The following RELL1 variants were observed in gnomAD, a reference collection of about 807,000 sequenced individuals.
RELL1 encodes the protein RELT-like protein 1.
A neutral mutation model predicts 23.0 loss-of-function variants in RELL1; 10 were observed. That is an observed-to-expected ratio of 0.43 (90% CI 0.27 to 0.74). The LOEUF (loss-of-function observed/expected upper bound fraction) is 0.74. RELL1 is among the 30% of genes least tolerant of loss of function. The pLI is 0.19. For synonymous variants in RELL1, 146 were observed against 146.8 expected (o/e 0.99, Z 0.04); for missense variants, 315 against 364.4 (o/e 0.86, Z 1.10).
At chr4:37,675,030 C>T (rs529650409) in intron 1 of RELL1, among the ~76,000 whole-genome samples, 2 of 152,258 alleles carry the variant, frequency 1.3e-5, no homozygotes, top group Non-Finnish European at 2.9e-5. Flanking sequence ...TTGTATCTCC[C>T]TCATGCCAAA....
In RELL1 at chr4:37,637,289, A is replaced by G. The variant is rs527408251; in HGVS notation, c.443+1158T>C. On this transcript the variant is annotated intron_variant, in intron 4 of 6. Transcript: ENST00000454158. ...ATTCTGAGTTACCTTTCTAAAACAC[A>G]CATCTAACGTAGCCAGTTTGACAAA... Among the ~76,000 whole-genome samples, 5 of 152,304 alleles carry G rather than the reference A, an allele frequency of 3.3e-5. No individual in the cohort carries two copies. In the South Asian group the frequency reaches 6.2e-4, roughly 19 times the overall value.
intron 6 of RELL1, among the ~76,000 whole-genome samples, chr4:37,616,244 A>T (rs1301156957): frequency 6.6e-6 from 1 of 152,216 alleles, no homozygotes; most frequent in Non-Finnish European, 1.5e-5. Context: ...CATAGGAGGA[A>T]ACTGAGGCTT....
intron 1 of RELL1, among the ~76,000 whole-genome samples, chr4:37,669,736 C>T (rs1199657115): frequency 6.6e-6 from 1 of 152,164 alleles, no homozygotes; most frequent in Non-Finnish European, 1.5e-5. Context: ...ACCTTACCCC[C>T]AACCCAACCC....
intron 6 of RELL1, among the ~76,000 whole-genome samples, chr4:37,599,229 A>C (rs1352733325): frequency 6.6e-6 from 1 of 152,224 alleles, no homozygotes; most frequent in Non-Finnish European, 1.5e-5. Flanking sequence ...AACGTGCCGC[A>C]AGTCAATAGC....
downstream of RELL1, chr4:37,590,234 G>A (rs377657554): frequency 3.1e-6 from 5 of 1,614,236 alleles, no homozygotes; most frequent in Non-Finnish European, 4.2e-6. Context: ...CAGAGGCAGG[G>A]CTCAAAGAAG....
intron 6 of RELL1, among the ~76,000 whole-genome samples, chr4:37,597,815 C>A (rs1016374463): frequency 6.6e-5 from 10 of 151,934 alleles, no homozygotes; most frequent in Admixed American, 5.3e-4. Flanking sequence ...CTTTGGGAGG[C>A]CGAGGCAGGC....
At chr4:37,677,809 TAAA>T (rs1173422418) in intron 1 of RELL1, among the ~76,000 whole-genome samples, 4 of 151,790 alleles carry the variant, frequency 2.6e-5, no homozygotes, top group Non-Finnish European at 5.9e-5. Flanking sequence ...AGTCTCTACT[TAAA>T]AATACAAAAA....
chr4:37,651,346 A>G (rs1720932804), intron 1 of RELL1, among the ~76,000 whole-genome samples: 1 of 152,244 alleles, frequency 6.6e-6, no homozygotes, highest in Non-Finnish European at 1.5e-5. Context: ...GGAGTCAGGT[A>G]GATGAGGACC....
exon 7 of RELL1, chr4:37,590,833 C>T (rs146200909): frequency 1.2e-6 from 2 of 1,614,054 alleles, no homozygotes; most frequent in Middle Eastern, 3.3e-4. Context: ...TGAGAAGGGT[C>T]CTGTTCATGC....
intron 1 of RELL1, among the ~76,000 whole-genome samples, chr4:37,675,730 T>C (rs1722006845): frequency 6.6e-6 from 1 of 152,210 alleles, no homozygotes; most frequent in South Asian, 2.1e-4. Context: ...GCTTGAAGGA[T>C]GGTCAGAGGA....
intron 6 of RELL1, among the ~76,000 whole-genome samples, chr4:37,618,027 C>T (rs900987178): frequency 6.6e-6 from 1 of 152,160 alleles, no homozygotes; most frequent in Admixed American, 6.5e-5. Flanking sequence ...AGGCACTGCC[C>T]AAGTCCTGAA....
chr4:37,659,371 C>T (rs1382104042), intron 1 of RELL1, among the ~76,000 whole-genome samples: 1 of 152,136 alleles, frequency 6.6e-6, no homozygotes, highest in Non-Finnish European at 1.5e-5. Context: ...TGGAAGTCAA[C>T]CTAAAAAGTC....
intron 1 of RELL1, among the ~76,000 whole-genome samples, chr4:37,663,670 C>G (rs996000485): frequency 6.6e-6 from 1 of 152,200 alleles, no homozygotes; most frequent in African/African-American, 2.4e-5. Context: ...GGTTCAATAA[C>G]AAGCCTCGGT....
chr4:37,596,351 T>C (rs1023478784), intron 6 of RELL1, among the ~76,000 whole-genome samples: 2 of 152,174 alleles, frequency 1.3e-5, no homozygotes, highest in African/African-American at 4.8e-5. Context: ...AATTCAGACT[T>C]AGGAGGTCTT....
chr4:37,650,678 T>A (rs1048083101), intron 1 of RELL1, among the ~76,000 whole-genome samples: 1 of 151,910 alleles, frequency 6.6e-6, no homozygotes. Flanking sequence ...ATCACATGAA[T>A]ATATATATGA....
At chr4:37,617,823 A>G (rs1159856239) in intron 6 of RELL1, among the ~76,000 whole-genome samples, 1 of 152,232 alleles carries the variant, frequency 6.6e-6, no homozygotes, top group Non-Finnish European at 1.5e-5. Flanking sequence ...CAATTTTAAA[A>G]TTACAGAATC....
chr4:37,669,457 G>T (rs1338562332), intron 1 of RELL1, among the ~76,000 whole-genome samples: 3 of 151,490 alleles, frequency 2.0e-5, no homozygotes, highest in African/African-American at 7.3e-5. Flanking sequence ...GGGAGGTGAG[G>T]GGCGCCTCTG....
downstream of RELL1, among the ~76,000 whole-genome samples, chr4:37,605,970 G>A (rs1335215623): frequency 6.8e-6 from 1 of 147,286 alleles, no homozygotes; most frequent in African/African-American, 2.5e-5. Flanking sequence ...AGAGAGGGAG[G>A]GAGGAAGGAA....
chr4:37,589,767 G>C (rs552119969), downstream of RELL1, among the ~76,000 whole-genome samples: 3 of 152,220 alleles, frequency 2.0e-5, no homozygotes, highest in Admixed American at 6.5e-5. Flanking sequence ...GAGTAGCTGG[G>C]ATTACAGGTG....
Sources: gnomAD v4.1 joint callset for allele counts (sites outside exome capture counted in the v4.1 genomes callset) on GRCh38, gnomAD v4.1.1 for gene constraint, MANE v1.5 for transcripts, NCBI Gene and HGNC (gene_info 2026-07-23, HGNC 2026-07-21) for gene names.